TATDN2: variants seen among roughly 807,000 people sequenced by gnomAD.
The protein encoded by TATDN2 is 3'-5' RNA nuclease TATDN2.
In TATDN2, 44 loss-of-function variants were observed where a neutral mutation model predicts 60.3. The observed-to-expected ratio is 0.73, with a 90% confidence interval of 0.57 to 0.94. The LOEUF is 0.94. Among genes scored for constraint, TATDN2 ranks in the 40% least tolerant of loss-of-function variants. The pLI is 0.00. For missense variants in TATDN2, 997 were observed against 948.0 expected, an observed-to-expected ratio of 1.05 and a Z score of -0.68; for synonymous variants, 399 against 355.8, an observed-to-expected ratio of 1.12 and a Z score of -1.37.
Position 10,270,814 on chromosome 3 carries a change from A to C in TATDN2, c.1632A>C (p.Thr544=), listed in dbSNP as rs781068605. 2 of 1,614,188 alleles carry C rather than the reference A, an allele frequency of 1.2e-6. No individual in the cohort carries two copies. The highest frequency in any genetic ancestry group is 3.3e-5 in the Admixed American group (2 of 60,030). Reference sequence around the variant, plus strand: ...ACTTCTGTGATCCCCGCACCCTGACAGATTGCCTATGGGAGGAGCTGTTGA... The same window carrying C: ...ACTTCTGTGATCCCCGCACCCTGACCGATTGCCTATGGGAGGAGCTGTTGA... ...ISDFCDPRTL[T]DCLWEELLKE... The change falls in exon 4 of 8, where the codon ACA becomes ACC. Residue 544 remains threonine, a synonymous_variant. Transcript: ENST00000448281.
chr3:10,249,103 C>A, intron 1 of TATDN2, 36 bp downstream of exon 1: 1 of 1,439,714 alleles, frequency 6.9e-7, no homozygotes, highest in Non-Finnish European at 9.2e-7. Flanking sequence ...GCCCTTATGT[C>A]TTGCCGTCCT....
At chr3:10,257,091 A>G (rs572547879) in intron 2 of TATDN2, among the ~76,000 whole-genome samples, 10 of 147,856 alleles carry the variant, frequency 6.8e-5, no homozygotes, top group Non-Finnish European at 1.5e-4. Flanking sequence ...GGTTAGGCCA[A>G]CATGGTGAAA....
chr3:10,279,318 C>A lies in TATDN2; in HGVS notation c.*136C>A. The A allele has an allele frequency of 5.0e-6, 1 of 201,206 alleles. No individual in the cohort carries two copies. Among genetic ancestry groups the A allele is most frequent in the Non-Finnish European group, 9.3e-6 (1 of 107,016 alleles). The allele number at this position is 201,206 out of a possible 1,614,324, so 12.5% of individuals were successfully genotyped here. ...CTGATTGGAACACAGAAAACCAGGA[C>A]AGGATGTTTTCCTCCAAGCGGGTCA... On this transcript the variant is annotated 3_prime_UTR_variant, in exon 8 of 8. Transcript: ENST00000448281.
In TATDN2 at chr3:10,280,731, G is replaced by T. The variant is rs1216102994; in HGVS notation, c.*1549G>T. 1.3e-5 allele frequency: 2 copies of T among 153,838 alleles called. No individual in the cohort carries two copies. Among genetic ancestry groups the T allele is most frequent in the Admixed American group, 6.5e-5 (1 of 15,282 alleles). The allele number at this position is 153,838 out of a possible 1,614,324, so 9.5% of individuals were successfully genotyped here. A position where few individuals can be genotyped will look rare whatever the true frequency, so the allele number is the denominator to read the frequency against. ...CACTGTCCGTCTTCACGGATTAGCTGTGCTGTTATGTTGTCTGTGCTGCAG... is the reference window on the plus strand; with the variant it reads ...CACTGTCCGTCTTCACGGATTAGCTTTGCTGTTATGTTGTCTGTGCTGCAG... On this transcript the variant is annotated 3_prime_UTR_variant, in exon 8 of 8. Transcript: ENST00000448281.
intron 4 of TATDN2, among the ~76,000 whole-genome samples, chr3:10,273,149 G>T (rs1462226754): frequency 6.6e-6 from 1 of 152,204 alleles, no homozygotes; most frequent in African/African-American, 2.4e-5. Flanking sequence ...GATGTCATTT[G>T]GCTTGGTGAG....
At chr3:10,262,605 G>T (rs1698423002) in intron 3 of TATDN2, among the ~76,000 whole-genome samples, 1 of 125,674 alleles carries the variant, frequency 8.0e-6, no homozygotes. Context: ...GTGTGATCTT[G>T]GCTCACTGCA....
At chr3:10,254,420 G>A (rs1015217695) in intron 2 of TATDN2, among the ~76,000 whole-genome samples, 1 of 152,160 alleles carries the variant, frequency 6.6e-6, no homozygotes, top group Admixed American at 6.5e-5. Flanking sequence ...GAGTGCTTGG[G>A]GCACTGCTGG....
At chr3:10,271,458 C>T (rs115656357) in intron 4 of TATDN2, among the ~76,000 whole-genome samples, 2,759 of 151,350 alleles carry the variant, frequency 0.018, 83 homozygotes, top group African/African-American at 0.062. Context: ...GGATTACAGG[C>T]GTGCATCACT....
rs1471588162 is a variant in TATDN2 at position 10,249,096 on chromosome 3, C to CT, written c.-7+31dup. 2.9e-6 allele frequency: 4 copies of CT among 1,402,902 alleles called. No individual in the cohort carries two copies. The African/African-American group carries it at 5.8e-5, about 20-fold the overall frequency. The allele number at this position is 1,402,902 out of a possible 1,614,324, so 86.9% of individuals were successfully genotyped here. On this transcript the variant is annotated intron_variant, in intron 1 of 7. Coordinates refer to ENST00000448281, the MANE Select transcript of TATDN2 (RefSeq NM_014760.4). ...AGTGAGGCTAGCCCCTGGCTCTGCC[C>CT]TTATGTCTTGCCGTCCTCCTGGGCC... is the stretch of plus-strand genomic sequence containing the variant.
intron 1 of TATDN2, 41 bp downstream of exon 1, chr3:10,249,108 C>A: frequency 1.4e-6 from 2 of 1,453,110 alleles, no homozygotes; most frequent in Non-Finnish European, 1.8e-6. Context: ...TATGTCTTGC[C>A]GTCCTCCTGG....
rs768507294 is a variant in TATDN2 at position 10,270,297 on chromosome 3, C to T, written c.1115C>T (p.Pro372Leu). The T allele has an allele frequency of 6.2e-7, 1 of 1,614,204 alleles. No individual in the cohort carries two copies. Among genetic ancestry groups the T allele is most frequent in the East Asian group, 2.2e-5 (1 of 44,880 alleles). ...SFTTDYVMYP[P>L]HLYSSPWCDY... ...ACCACCGACTATGTCATGTACCCTC[C>T]TCATTTGTACAGTAGTCCTTGGTGT... is the stretch of plus-strand genomic sequence containing the variant. The change falls in exon 4 of 8, where the codon CCT becomes CTT. Residue 372 changes from proline (P) to leucine (L), a missense_variant. Physicochemically the swap from Pro to Leu is moderately conservative, Grantham distance 98 (BLOSUM62 -3). Transcript: ENST00000448281.
At position 10,278,314 on chromosome 3, in the gene TATDN2, C is replaced by T. The variant is rs1432237384; in HGVS notation, c.1997C>T (p.Pro666Leu). Reference sequence around the variant, plus strand: ...ACCGGCAGCTACCCGGTCATTGAGCCCCTGCTGAAGTACTTTCCCAACATG... The same window carrying T: ...ACCGGCAGCTACCCGGTCATTGAGCTCCTGCTGAAGTACTTTCCCAACATG... ...CFTGSYPVIEPLLKYFPNMSV... is the reference protein window; with the variant it reads ...CFTGSYPVIELLLKYFPNMSV... The change falls in exon 6 of 8, where the codon CCC becomes CTC. Residue 666 changes from proline (P) to leucine (L), a missense_variant. By Grantham distance (98) the Pro-to-Leu change is moderately conservative (BLOSUM62 -3). Coordinates refer to ENST00000448281, the MANE Select transcript of TATDN2 (RefSeq NM_014760.4). This position sits in a 1 kb window ranked among gnomAD's most constrained non-coding sequence, Gnocchi z 4.7. The T allele has an allele frequency of 3.1e-6, 5 of 1,614,134 alleles. No homozygotes were observed. The highest frequency in any genetic ancestry group is 4.2e-6 in the Non-Finnish European group (5 of 1,180,004).
In TATDN2 at chr3:10,260,504, A is replaced by G; in HGVS notation, c.782A>G (p.Asp261Gly). Residue 261 changes from aspartate to glycine, a missense_variant, in exon 3 of 8, where the codon GAT becomes GGT. Physicochemically the swap from Asp to Gly is moderately conservative, Grantham distance 94. Transcript: ENST00000448281. Reference sequence around the variant, plus strand: ...ACCCCAGAGGTCAGCATGGAGGAGGATAAGACAGTGCCAGAGAGGAGCAGC... The same window carrying G: ...ACCCCAGAGGTCAGCATGGAGGAGGGTAAGACAGTGCCAGAGAGGAGCAGC... ...DATPEVSMEE[D>G]KTVPERSSFY... The G allele has an allele frequency of 6.2e-7, 1 of 1,614,096 alleles. No individual in the cohort carries two copies. Among genetic ancestry groups the G allele is most frequent in the Non-Finnish European group, 8.5e-7 (1 of 1,179,946 alleles).
Position 10,254,997 on chromosome 3 carries a change from T to C in TATDN2, c.415-5140T>C, listed in dbSNP as rs559911611. ...TCTTTTTTTCCCCCTTCCCCCTTCCTCCTTCCCACTTCCCACTCCCCCTCC... is the reference window on the plus strand; with the variant it reads ...TCTTTTTTTCCCCCTTCCCCCTTCCCCCTTCCCACTTCCCACTCCCCCTCC... On this transcript the variant is annotated intron_variant, in intron 2 of 7. Coordinates refer to ENST00000448281, the MANE Select transcript of TATDN2 (RefSeq NM_014760.4). Among the ~76,000 whole-genome samples the C allele has an allele frequency of 6.9e-3, 691 of 100,410 alleles. 4 individuals carry two copies. The highest frequency in any genetic ancestry group is 0.014 in the Middle Eastern group (3 of 210). The allele number at this position is 100,410 out of a possible 152,430, so 65.9% of individuals were successfully genotyped here.
intron 5 of TATDN2, 134 bp downstream of exon 5, chr3:10,276,622 C>G (rs886642762): frequency 2.3e-6 from 3 of 1,278,690 alleles, no homozygotes; most frequent in African/African-American, 3.0e-5. Flanking sequence ...GGAATCTCAC[C>G]CTGTCGCCCA....
chr3:10,266,967 A>T lies in TATDN2; in HGVS notation c.949-3164A>T, dbSNP rs1005545467. Among the ~76,000 whole-genome samples the T allele has an allele frequency of 3.8e-5, 5 of 131,998 alleles. 1 individual carries two copies. The highest frequency in any genetic ancestry group is 1.4e-4 in the African/African-American group (5 of 36,034). The allele number at this position is 131,998 out of a possible 152,430, so 86.6% of individuals were successfully genotyped here. On this transcript the variant is annotated intron_variant, in intron 3 of 7. Coordinates refer to ENST00000448281, the MANE Select transcript of TATDN2 (RefSeq NM_014760.4). ...TTTTTTTGAGACAGAGTCTTGCTCT[A>T]TCACCCAGGTTGGAGTACAGTGGCT...
chr3:10,249,683 A>T, intron 2 of TATDN2, 69 bp downstream of exon 2: 1 of 1,452,496 alleles, frequency 6.9e-7, no homozygotes, highest in Non-Finnish European at 9.1e-7. Context: ...GGGGATGGGA[A>T]TTTTGGTGGA....
intron 3 of TATDN2, among the ~76,000 whole-genome samples, chr3:10,269,295 G>A (rs372494044): frequency 2.0e-5 from 3 of 152,204 alleles, no homozygotes; most frequent in Non-Finnish European, 4.4e-5. Flanking sequence ...ACACAGCTTC[G>A]CTTCTGTTGC....
chr3:10,272,000 G>A (rs182192351), intron 4 of TATDN2, among the ~76,000 whole-genome samples: 92 of 152,258 alleles, frequency 6.0e-4, no homozygotes, highest in African/African-American at 2.2e-3. Context: ...AAAGTGCTGG[G>A]ATTACAGACC....
Sources: gnomAD v4.1 joint callset for allele counts (sites outside exome capture counted in the v4.1 genomes callset) on GRCh38, gnomAD v4.1.1 for gene constraint, Gnocchi (gnomAD v3.1) non-coding constraint, MANE v1.5 for transcripts, NCBI Gene and HGNC (gene_info 2026-07-23, HGNC 2026-07-21) for gene names.